Variants in PM20D2 observed in about 807,000 individuals in gnomAD.
The protein encoded by PM20D2 is xaa-Arg dipeptidase.
A neutral mutation model predicts 42.9 loss-of-function variants in PM20D2; 33 were observed. That is an observed-to-expected ratio of 0.77 (90% confidence interval 0.58 to 1.03). The LOEUF is 1.03. Ranked by LOEUF, PM20D2 falls within the 50% of genes least tolerant of loss-of-function variation. The pLI, the probability that PM20D2 is intolerant of heterozygous loss-of-function variation, is 0.00. For synonymous variants in PM20D2, 250 were observed against 228.2 expected, an observed-to-expected ratio of 1.10 and a Z score of -0.86; for missense variants, 548 against 557.0, an observed-to-expected ratio of 0.98 and a Z score of 0.16.
At chr6:89,101,500 T>C in the PM20D2 span, among the ~76,000 whole-genome samples, 1 of 152,084 alleles carries the variant, frequency 6.6e-6, no homozygotes, top group African/African-American at 2.4e-5. Flanking sequence ...GGCAGGTGGA[T>C]CACCTGAGGT....
At chr6:89,099,529 CACAT>C in the PM20D2 span, among the ~76,000 whole-genome samples, 111 of 127,450 alleles carry the variant, frequency 8.7e-4, no homozygotes, top group Admixed American at 1.6e-3. Context: ...CACACACACA[CACAT>C]ACATGTTTTT....
At chr6:89,098,884 C>T in the PM20D2 span, 6 of 1,613,848 alleles carry the variant, frequency 3.7e-6, no homozygotes, top group East Asian at 1.3e-4. Context: ...CTGAGGTAGA[C>T]CGCCTTGGTA....
chr6:89,129,904 T>A, the PM20D2 span, among the ~76,000 whole-genome samples: 1 of 151,992 alleles, frequency 6.6e-6, no homozygotes, highest in Non-Finnish European at 1.5e-5. Context: ...ATATTAAAAA[T>A]ATATATTTCT....
chr6:89,138,065 C>T, the PM20D2 span, among the ~76,000 whole-genome samples: 9 of 144,776 alleles, frequency 6.2e-5, no homozygotes, highest in Middle Eastern at 3.5e-3. Context: ...TTCAAGATTT[C>T]TTTTTTTTTT....
chr6:89,107,098 A>G, the PM20D2 span: 1 of 1,347,814 alleles, frequency 7.4e-7, no homozygotes, highest in Non-Finnish European at 1.1e-6. Flanking sequence ...GAATACATAT[A>G]TGTATAAGCA....
At chr6:89,139,830 T>C in the PM20D2 span, among the ~76,000 whole-genome samples, 391 of 152,254 alleles carry the variant, frequency 2.6e-3, 2 homozygotes, top group African/African-American at 9.0e-3. Flanking sequence ...AAAAGAGAAA[T>C]GCTTAAAGCA....
chr6:89,140,045 A>G, the PM20D2 span, among the ~76,000 whole-genome samples: 1 of 152,312 alleles, frequency 6.6e-6, no homozygotes, highest in East Asian at 1.9e-4. Flanking sequence ...ACGTGAGCAT[A>G]TGCACATGCA....
rs1385965522 is a variant in PM20D2 at position 89,163,781 on chromosome 6, T to C, written c.*1518T>C. 6.6e-6 allele frequency: 1 copy of C among 152,250 alleles called. No individual in the cohort carries two copies. The highest frequency in any genetic ancestry group is 2.4e-5 in the African/African-American group (1 of 41,458). The allele number at this position is 152,250 out of a possible 1,614,324, so 9.4% of individuals were successfully genotyped here. ...GGTATCTTTGTTTTTATGGAACATT[T>C]TTATTACATGCCTTTATAATTTTTC... On this transcript the variant is annotated 3_prime_UTR_variant, in exon 7 of 7. Transcript: ENST00000275072.
At chr6:89,157,517 C>T (rs564057396) in intron 4 of PM20D2, among the ~76,000 whole-genome samples, 2 of 152,352 alleles carry the variant, frequency 1.3e-5, no homozygotes, top group South Asian at 4.1e-4. Flanking sequence ...AACCCTTCCT[C>T]ATTGCAAATC....
chr6:89,138,101 G>T, the PM20D2 span, among the ~76,000 whole-genome samples: 1 of 149,650 alleles, frequency 6.7e-6, no homozygotes, highest in African/African-American at 2.5e-5. Flanking sequence ...TTGTTGTAGA[G>T]ACAAGGTCTC....
chr6:89,161,245 A>C (rs545679305), intron 5 of PM20D2, among the ~76,000 whole-genome samples: 1 of 152,326 alleles, frequency 6.6e-6, no homozygotes, highest in South Asian at 2.1e-4. Flanking sequence ...CAGGCTGGCA[A>C]CTGGATGTAT....
chr6:89,143,705 A>C (rs1313150986), upstream of PM20D2, among the ~76,000 whole-genome samples: 1 of 152,190 alleles, frequency 6.6e-6, no homozygotes, highest in Non-Finnish European at 1.5e-5. Context: ...TATGAATATT[A>C]TGGGTACAAA....
At chr6:89,115,273 T>C in the PM20D2 span, among the ~76,000 whole-genome samples, 1 of 151,864 alleles carries the variant, frequency 6.6e-6, no homozygotes, top group Admixed American at 6.6e-5. Context: ...CTACATTTTA[T>C]AGCTTTCTTT....
chr6:89,107,225 A>G, the PM20D2 span: 2 of 1,614,146 alleles, frequency 1.2e-6, no homozygotes, highest in Non-Finnish European at 1.7e-6. Context: ...CTATAGGGCC[A>G]TATCGACCAA....
intron 2 of PM20D2, 44 bp downstream of exon 2, chr6:89,149,457 C>A (rs1387513374): frequency 1.3e-6 from 2 of 1,587,472 alleles, no homozygotes; most frequent in Non-Finnish European, 1.7e-6. Context: ...GGAACACAGG[C>A]TATAGAATAC....
chr6:89,111,626 T>C, the PM20D2 span, among the ~76,000 whole-genome samples: 24 of 152,260 alleles, frequency 1.6e-4, no homozygotes, highest in South Asian at 6.2e-4. Flanking sequence ...TTTTGTATTT[T>C]ATATCTTTTT....
At chr6:89,153,371 A>G (rs1007833958) in intron 3 of PM20D2, among the ~76,000 whole-genome samples, 186 bp downstream of exon 3, 2 of 152,174 alleles carry the variant, frequency 1.3e-5, no homozygotes, top group Admixed American at 6.6e-5. Flanking sequence ...ATATAGGGTT[A>G]GAAAGACAGT....
chr6:89,157,168 T>A, intron 4 of PM20D2, among the ~76,000 whole-genome samples: 1 of 152,198 alleles, frequency 6.6e-6, no homozygotes, highest in East Asian at 1.9e-4. Context: ...TGGGCTCAAG[T>A]GATCCTCGTG....
chr6:89,149,254 T>C lies in PM20D2; in HGVS notation c.466-11T>C. On this transcript the variant is annotated splice_polypyrimidine_tract_variant and intron_variant, in intron 1 of 6. Coordinates refer to ENST00000275072, the MANE Select transcript of PM20D2 (RefSeq NM_001010853.3). The stretch of plus-strand genomic sequence containing the variant: ...TTGTTGTTTTTCCCTGACATGAGTA[T>C]TTCCTTCTAGGTAGTTGTCCTGGGA... 1 of 1,612,110 alleles carries C rather than the reference T, an allele frequency of 6.2e-7. No homozygotes were observed. Among genetic ancestry groups the C allele is most frequent in the Non-Finnish European group, 8.5e-7 (1 of 1,179,156 alleles).
Sources: gnomAD v4.1 joint callset for allele counts (sites outside exome capture counted in the v4.1 genomes callset) on GRCh38, gnomAD v4.1.1 for gene constraint, MANE v1.5 for transcripts, NCBI Gene and HGNC (gene_info 2026-07-23, HGNC 2026-07-21) for gene names.